Variants in ARHGAP4 observed in about 807,000 individuals in gnomAD.
ARHGAP4 encodes the protein rho GTPase-activating protein 4.
ARHGAP4 carries 25 observed loss-of-function variants against 67.6 expected under a neutral mutation model. The observed-to-expected ratio is 0.37, with a 90% CI of 0.27 to 0.52. The LOEUF (loss-of-function observed/expected upper bound fraction) is 0.52, where lower values mean the gene tolerates loss of function less well. Among genes scored for constraint, ARHGAP4 ranks in the 20% least tolerant of loss-of-function variants. ARHGAP4 has a pLI of 0.92. For missense variants in ARHGAP4, 804 were observed against 854.6 expected (o/e 0.94, Z 0.74); for synonymous variants, 448 against 373.7 (o/e 1.20, Z -2.29).
intron 1 of ARHGAP4, among the ~76,000 whole-genome samples, chrX:153,924,170 C>T (rs1557105800): frequency 8.9e-6 from 1 of 111,803 alleles, no homozygotes; most frequent in Non-Finnish European, 1.9e-5. Context: ...TGGAGCCTGC[C>T]CTGCCCTGCT....
intron 7 of ARHGAP4, among the ~76,000 whole-genome samples, chrX:153,917,245 T>G (rs938733854): frequency 9.7e-6 from 1 of 102,706 alleles, no homozygotes; most frequent in African/African-American, 3.6e-5. Context: ...TAAATTAAAT[T>G]TAAAAAATTA....
At position 153,909,547 on chromosome X, in the gene ARHGAP4, A is replaced by G. The variant is rs782636454; in HGVS notation, c.2415-12T>C. The stretch of plus-strand genomic sequence containing the variant: ...CCTGCTTCTCCGTCCTGCGGTGGGA[A>G]GGACCGGCCTGTTTCGAGTGCTCCT... On this transcript the variant is annotated splice_polypyrimidine_tract_variant and intron_variant, in intron 19 of 21. Coordinates refer to ENST00000350060, the MANE Select transcript of ARHGAP4 (RefSeq NM_001666.5). 29 of 1,192,078 alleles carry G rather than the reference A, an allele frequency of 2.4e-5. No homozygotes were observed. The Admixed American group carries it at 5.0e-4, about 21-fold the overall frequency.
intron 1 of ARHGAP4, chrX:153,922,128 C>T (rs952616498): frequency 2.1e-6 from 2 of 949,273 alleles, no homozygotes; most frequent in African/African-American, 4.0e-5. Context: ...AGGCACCTTT[C>T]AGTTTGGCTT....
chrX:153,907,790 G>T lies in ARHGAP4; in HGVS notation c.2780C>A (p.Ala927Asp). The T allele has an allele frequency of 9.9e-7, 1 of 1,009,970 alleles. No homozygotes were observed. The highest frequency in any genetic ancestry group is 4.2e-5 in the South Asian group (1 of 23,809). 83.2% of individuals were successfully genotyped at this position (1,009,970 alleles called of 1,213,427 possible). The change falls in exon 22 of 22, where the codon GCC becomes GAC. Residue 927 changes from alanine to aspartate, a missense_variant. Around this residue, in one of 2 missense-constraint regions of ARHGAP4, gnomAD observed 400 missense variants for 348.7 expected, o/e 1.15. Coordinates refer to ENST00000350060, the MANE Select transcript of ARHGAP4 (RefSeq NM_001666.5). The stretch of plus-strand genomic sequence containing the variant: ...GTGGGAAGCTGAGGGTGAGGCTGGG[G>T]CCCCAGGGCCCCGGGAGAAGCCTTT... ...RNKGFSRGPG[A>D]PASPSASHPQ... is the part of the protein sequence containing the mutation.
chrX:153,920,122 T>C (rs1397231583), intron 5 of ARHGAP4, among the ~76,000 whole-genome samples: 1 of 111,230 alleles, frequency 9.0e-6, no homozygotes, highest in Non-Finnish European at 1.9e-5. Context: ...AGGGAGACCT[T>C]CCCCCAACAC....
chrX:153,911,104 T>TGG, intron 13 of ARHGAP4, 25 bp downstream of exon 13: 1 of 1,167,343 alleles, frequency 8.6e-7, no homozygotes, highest in Non-Finnish European at 1.1e-6. Flanking sequence ...TGCCAGGACA[T>TGG]CGGGAGGGGC....
intron 7 of ARHGAP4, among the ~76,000 whole-genome samples, chrX:153,915,642 C>T (rs1235135496): frequency 9.0e-6 from 1 of 111,708 alleles, no homozygotes; most frequent in African/African-American, 3.3e-5. Flanking sequence ...ATCTTAGCCA[C>T]GCATGGTGGC....
chrX:153,916,403 G>A (rs1440308622), intron 7 of ARHGAP4, among the ~76,000 whole-genome samples: 1 of 113,144 alleles, frequency 8.8e-6, no homozygotes, highest in Middle Eastern at 4.2e-3. Context: ...CACGGAGCAG[G>A]GCTCCCTCCA....
intron 1 of ARHGAP4, among the ~76,000 whole-genome samples, chrX:153,923,664 G>C (rs1313343759): frequency 1.8e-5 from 2 of 113,262 alleles, no homozygotes; most frequent in East Asian, 2.8e-4. Context: ...GATGGAGAGT[G>C]TCTTCATCCT....
chrX:153,909,175 G>A lies in ARHGAP4; in HGVS notation c.2508-6C>T. ...GTGAGGTGCATGGCTCTGGCCTGCA[G>A]GACAGACAGGGAGCCTGGTGGGGGC... is the stretch of plus-strand genomic sequence containing the variant. On this transcript the variant is annotated splice_polypyrimidine_tract_variant and splice_region_variant and intron_variant, in intron 20 of 21. Transcript: ENST00000350060. The A allele has an allele frequency of 8.4e-7, 1 of 1,195,385 alleles. No individual in the cohort carries two copies. Among genetic ancestry groups the A allele is most frequent in the Non-Finnish European group, 1.1e-6 (1 of 885,538 alleles).
At chrX:153,915,004 C>G (rs1557104044) in intron 7 of ARHGAP4, among the ~76,000 whole-genome samples, 1 of 112,522 alleles carries the variant, frequency 8.9e-6, no homozygotes, top group Non-Finnish European at 1.9e-5. Context: ...TCCATCTCCA[C>G]CAAGCCCCGC....
intron 7 of ARHGAP4, among the ~76,000 whole-genome samples, chrX:153,918,251 G>A (rs782365020): frequency 9.1e-6 from 1 of 110,226 alleles, no homozygotes; most frequent in African/African-American, 3.3e-5. Flanking sequence ...GAGAGATGCT[G>A]GTGGCACTGG....
chrX:153,908,247 CT>C (rs782013018), intron 21 of ARHGAP4, among the ~76,000 whole-genome samples: 2 of 112,406 alleles, frequency 1.8e-5, no homozygotes, highest in South Asian at 3.7e-4. Flanking sequence ...TCACAGCCCC[CT>C]GCCCATGGCC....
chrX:153,910,418 C>T lies in ARHGAP4; in HGVS notation c.1923-14G>A. On this transcript the variant is annotated splice_polypyrimidine_tract_variant and intron_variant, in intron 16 of 21. Transcript: ENST00000350060. ...TACTGGGCCAGGCTGGGGGGACACG[C>T]ACATCACAAGCAGAGAGCCCGCACC... The T allele has an allele frequency of 3.4e-6, 4 of 1,191,844 alleles. No homozygotes were observed. Among genetic ancestry groups the T allele is most frequent in the Non-Finnish European group, 4.5e-6 (4 of 883,074 alleles).
chrX:153,910,003 C>G lies in ARHGAP4; in HGVS notation c.2230+9G>C. ...GGACAGGGTGGGGCTCTCTGCCCATCGCCCTCACCATCCTCCTGTGCGGGC... is the reference window on the plus strand; with the variant it reads ...GGACAGGGTGGGGCTCTCTGCCCATGGCCCTCACCATCCTCCTGTGCGGGC... On this transcript the variant is annotated intron_variant, in intron 18 of 21. Transcript: ENST00000350060. 1 of 1,210,933 alleles carries G rather than the reference C, an allele frequency of 8.3e-7. No homozygotes were observed. Among genetic ancestry groups the G allele is most frequent in the Non-Finnish European group, 1.1e-6 (1 of 895,239 alleles).
intron 12 of ARHGAP4, among the ~76,000 whole-genome samples, chrX:153,911,916 TAAA>T (rs1209252413): frequency 2.4e-5 from 1 of 42,511 alleles, no homozygotes; most frequent in South Asian, 1.7e-3. Flanking sequence ...TCTCAACAAA[TAAA>T]AAAAAAAAAA....
Position 153,912,759 on chromosome X carries a change from G to A in ARHGAP4, c.1483C>T (p.Arg495Cys), listed in dbSNP as rs377026459. ...QRKFQKSRQP[R>C]PSSQYNQRLF... ...CTCTGGTTATACTGGGAGCTGGGGC[G>A]GGGCTGGCGGCTCTTCTGGAATTTT... Residue 495 changes from arginine (R) to cysteine (C), a missense_variant, in exon 12 of 22, where the codon CGC becomes TGC. By Grantham distance (180) the Arg-to-Cys change is radical. Coordinates refer to ENST00000350060, the MANE Select transcript of ARHGAP4 (RefSeq NM_001666.5). The A allele has an allele frequency of 3.0e-4, 368 of 1,210,241 alleles. No homozygotes were observed. The highest frequency in any genetic ancestry group is 4.0e-4 in the Non-Finnish European group (354 of 894,999).
At chrX:153,916,938 G>A (rs1044254075) in intron 7 of ARHGAP4, among the ~76,000 whole-genome samples, 1 of 111,741 alleles carries the variant, frequency 8.9e-6, no homozygotes, top group Non-Finnish European at 1.9e-5. Flanking sequence ...TAAAAGGGTC[G>A]GGCACGGTGG....
intron 1 of ARHGAP4, among the ~76,000 whole-genome samples, chrX:153,924,789 G>A (rs960011143): frequency 4.5e-5 from 5 of 111,917 alleles, no homozygotes; most frequent in African/African-American, 9.8e-5. Flanking sequence ...GCTGGGCCCC[G>A]GGCCCCACCA....
Sources: allele counts gnomAD v4.1 joint callset (sites outside exome capture counted in the v4.1 genomes callset), GRCh38; gene constraint gnomAD v4.1.1; regional missense constraint gnomAD v4.1.1; transcripts MANE v1.5; gene names NCBI Gene and HGNC (gene_info 2026-07-23, HGNC 2026-07-21).